Variants in GABRA3 observed in about 807,000 individuals in gnomAD.
GABRA3 encodes the protein gamma-aminobutyric acid type A receptor subunit alpha3, also known as gamma-aminobutyric acid receptor subunit alpha-3.
Under a neutral mutation model 30.1 loss-of-function variants are expected in GABRA3, and 10 were observed. The ratio of observed to expected loss-of-function variants is 0.33; its 90% CI spans 0.20 to 0.56. The LOEUF is 0.56. Among genes scored for constraint, GABRA3 ranks in the 20% least tolerant of loss-of-function variants. The pLI is 0.89. For missense variants in GABRA3, 233 were observed against 392.0 expected, an observed-to-expected ratio of 0.59 and a Z score of 3.42; for synonymous variants, 151 against 146.8, an observed-to-expected ratio of 1.03 and a Z score of -0.21.
At chrX:152,289,926 AT>A (rs1347699167) in intron 3 of GABRA3, among the ~76,000 whole-genome samples, 10 of 112,113 alleles carry the variant, frequency 8.9e-5, no homozygotes, top group Admixed American at 7.6e-4. Context: ...ATTGGTGGAC[AT>A]TTGGGTTGGT....
intron 5 of GABRA3, among the ~76,000 whole-genome samples, chrX:152,234,873 G>T (rs1174389955): frequency 8.9e-6 from 1 of 111,804 alleles, no homozygotes; most frequent in Non-Finnish European, 1.9e-5. Context: ...GGTTAGTATA[G>T]CCTTGTAGAA....
chrX:152,449,722 T>C, intron 1 of GABRA3, among the ~76,000 whole-genome samples: 1 of 111,631 alleles, frequency 9.0e-6, no homozygotes, highest in East Asian at 2.8e-4. Context: ...AGGTGCAAAA[T>C]TCTCCCCAAG....
chrX:152,267,458 T>A (rs1462073710), intron 4 of GABRA3, among the ~76,000 whole-genome samples: 2 of 112,137 alleles, frequency 1.8e-5, no homozygotes, highest in Non-Finnish European at 3.8e-5. Flanking sequence ...ATCAGTGATA[T>A]TGGCTTCTAG....
chrX:152,248,685 T>C (rs1306503633), intron 5 of GABRA3, among the ~76,000 whole-genome samples: 1 of 111,312 alleles, frequency 9.0e-6, no homozygotes, highest in African/African-American at 3.3e-5. Context: ...CTTTAAAAAA[T>C]ACATTATGTT....
intron 1 of GABRA3, among the ~76,000 whole-genome samples, chrX:152,365,507 A>C (rs1221769938): frequency 1.8e-5 from 2 of 111,641 alleles, no homozygotes; most frequent in Non-Finnish European, 3.8e-5. Context: ...CAACCAATAA[A>C]GTGATGGTTA....
chrX:152,302,365 A>G (rs1464495945), intron 3 of GABRA3, among the ~76,000 whole-genome samples: 4 of 111,743 alleles, frequency 3.6e-5, no homozygotes, highest in Non-Finnish European at 7.5e-5. Context: ...CAATGCAAAC[A>G]CTAATTCAAA....
chrX:152,202,536 G>A (rs766343623), intron 7 of GABRA3, among the ~76,000 whole-genome samples: 4 of 111,358 alleles, frequency 3.6e-5, no homozygotes, highest in Admixed American at 9.6e-5. Flanking sequence ...TTGAAAACAC[G>A]TATCTTCGAT....
chrX:152,281,308 T>G (rs375498069), intron 4 of GABRA3, among the ~76,000 whole-genome samples: 1 of 111,380 alleles, frequency 9.0e-6, no homozygotes, highest in East Asian at 2.8e-4. Context: ...AATAGATAAT[T>G]ATAGAAGGTT....
At chrX:152,220,354 A>T (rs1275523439) in intron 6 of GABRA3, among the ~76,000 whole-genome samples, 1 of 111,967 alleles carries the variant, frequency 8.9e-6, no homozygotes, top group Non-Finnish European at 1.9e-5. Context: ...GCTTTTGCTC[A>T]GCATTGTGGC....
chrX:152,432,615 T>C (rs1176277460), intron 1 of GABRA3, among the ~76,000 whole-genome samples: 1 of 110,211 alleles, frequency 9.1e-6, no homozygotes, highest in Admixed American at 9.7e-5. Flanking sequence ...AAACATCAAA[T>C]CTCCCTCCTA....
intron 9 of GABRA3, among the ~76,000 whole-genome samples, chrX:152,180,412 G>A (rs1937130282): frequency 8.9e-6 from 1 of 112,029 alleles, no homozygotes; most frequent in Non-Finnish European, 1.9e-5. Context: ...TTGCTATTGA[G>A]TTGTTTGGGT....
chrX:152,329,220 T>C (rs1180826772), intron 3 of GABRA3, among the ~76,000 whole-genome samples: 1 of 111,928 alleles, frequency 8.9e-6, no homozygotes, highest in Non-Finnish European at 1.9e-5. Context: ...TGGAGGAACA[T>C]TCCATGCTCA....
At chrX:152,173,795 ATAT>A (rs911355165) in intron 9 of GABRA3, among the ~76,000 whole-genome samples, 1 of 109,699 alleles carries the variant, frequency 9.1e-6, no homozygotes, top group African/African-American at 3.3e-5. Flanking sequence ...TTATTTATTT[ATAT>A]TATTATTATA....
intron 1 of GABRA3, among the ~76,000 whole-genome samples, chrX:152,381,664 C>T (rs2124507554): frequency 9.0e-6 from 1 of 110,641 alleles, no homozygotes; most frequent in South Asian, 3.9e-4. Flanking sequence ...CTGTCATCTA[C>T]ATTAGGTATT....
intron 6 of GABRA3, among the ~76,000 whole-genome samples, chrX:152,222,621 G>T (rs1364700918): frequency 1.8e-5 from 2 of 109,603 alleles, no homozygotes; most frequent in Non-Finnish European, 3.8e-5. Flanking sequence ...TATGATTATT[G>T]ATTTTTCATT....
chrX:152,186,404 G>A (rs1436816624), intron 9 of GABRA3, among the ~76,000 whole-genome samples: 1 of 110,480 alleles, frequency 9.1e-6, no homozygotes, highest in Non-Finnish European at 1.9e-5. Context: ...GTTCCGCCAT[G>A]TTGGCCAGGC....
chrX:152,325,665 A>G (rs1233261347), intron 3 of GABRA3, among the ~76,000 whole-genome samples: 1 of 112,221 alleles, frequency 8.9e-6, no homozygotes, highest in African/African-American at 3.2e-5. Flanking sequence ...TAACAAACAG[A>G]AAGGACATCC....
At chrX:152,223,640 C>A (rs1221561577) in intron 6 of GABRA3, among the ~76,000 whole-genome samples, 3 of 108,109 alleles carry the variant, frequency 2.8e-5, no homozygotes, top group African/African-American at 1.0e-4. Context: ...CTACTGAGAG[C>A]TCTATTTCCA....
At chrX:152,212,643 A>G (rs745520531) in intron 6 of GABRA3, among the ~76,000 whole-genome samples, 5 of 111,876 alleles carry the variant, frequency 4.5e-5, no homozygotes, top group Admixed American at 9.5e-5. Flanking sequence ...ACCCATAGGC[A>G]TAATATACTA....
Sources: gnomAD v4.1 joint callset for allele counts (sites outside exome capture counted in the v4.1 genomes callset) on GRCh38, gnomAD v4.1.1 for gene constraint, MANE v1.5 for transcripts, NCBI Gene and HGNC (gene_info 2026-07-23, HGNC 2026-07-21) for gene names.